The following SYCP1 variants were observed in gnomAD, a reference collection of about 807,000 sequenced individuals.
SYCP1 encodes synaptonemal complex protein 1.
Under a neutral mutation model 153.1 loss-of-function variants are expected in SYCP1, and 64 were observed. The observed-to-expected ratio is 0.42, with a 90% CI of 0.34 to 0.51. The LOEUF is 0.51. Among genes scored for constraint, SYCP1 ranks in the 20% least tolerant of loss-of-function variants. The pLI, the probability that SYCP1 is intolerant of heterozygous loss-of-function variation, is 0.06. For missense variants in SYCP1, 997 were observed against 1,049.0 expected (o/e 0.95, Z 0.68); for synonymous variants, 384 against 341.8 (o/e 1.12, Z -1.36).
chr1:114,974,399 A>T (rs1235788759), intron 27 of SYCP1, among the ~76,000 whole-genome samples: 2 of 151,936 alleles, frequency 1.3e-5, no homozygotes, highest in African/African-American at 4.8e-5. Flanking sequence ...TTAAATGTAC[A>T]GTTCAGCAGT....
At chr1:114,985,480 A>G (rs1014827769) in intron 30 of SYCP1, among the ~76,000 whole-genome samples, 1 of 151,950 alleles carries the variant, frequency 6.6e-6, no homozygotes, top group African/African-American at 2.4e-5. Flanking sequence ...AGATTCATTT[A>G]ATTTTTTTAA....
intron 20 of SYCP1, among the ~76,000 whole-genome samples, chr1:114,917,018 TA>T (rs1427915127): frequency 6.6e-6 from 1 of 152,122 alleles, no homozygotes; most frequent in Non-Finnish European, 1.5e-5. Context: ...ATTATACTTT[TA>T]CTTTTAAAAA....
In SYCP1 at chr1:114,926,277, G is replaced by T; in HGVS notation, c.1801-1G>T. 1 of 1,509,128 alleles carries T rather than the reference G, an allele frequency of 6.6e-7. No homozygotes were observed. Among genetic ancestry groups the T allele is most frequent in the Non-Finnish European group, 8.9e-7 (1 of 1,121,920 alleles). 93.5% of individuals were successfully genotyped at this position (1,509,128 alleles called of 1,614,324 possible). On this transcript the variant is annotated splice_acceptor_variant, in intron 21 of 31. Coordinates refer to ENST00000369522, the MANE Select transcript of SYCP1 (RefSeq NM_003176.4). LOFTEE classifies it high-confidence loss of function. ...AGCTATAATTTCTCACAATTTTTTA[G>T]TGTAACAATTTAAGGAAACAAGTTG...
intron 11 of SYCP1, 101 bp downstream of exon 11, chr1:114,876,911 TC>T (rs1027537405): frequency 8.9e-6 from 5 of 560,938 alleles, no homozygotes; most frequent in Non-Finnish European, 1.3e-5. Context: ...TATGATAAAT[TC>T]CTATGAGAGA....
intron 16 of SYCP1, among the ~76,000 whole-genome samples, chr1:114,899,642 G>T (rs779933744): frequency 1.7e-4 from 26 of 152,270 alleles, no homozygotes; most frequent in Non-Finnish European, 2.5e-4. Flanking sequence ...AAGAAGTTTG[G>T]TACCTCCGTG....
Position 114,911,548 on chromosome 1 carries a change from G to A in SYCP1, c.1495G>A (p.Val499Ile), listed in dbSNP as rs528615756. The A allele has an allele frequency of 3.9e-6, 6 of 1,532,406 alleles. No individual in the cohort carries two copies. The Admixed American group carries it at 6.1e-5, about 15-fold the overall frequency. 94.9% of individuals were successfully genotyped at this position (1,532,406 alleles called of 1,614,324 possible). Residue 499 changes from valine to isoleucine, a missense_variant, in exon 18 of 32, where the codon GTT (valine) becomes ATT (isoleucine). Val to Ile is a conservative substitution (Grantham distance 29). Coordinates refer to ENST00000369522, the MANE Select transcript of SYCP1 (RefSeq NM_003176.4). ...AAGTGAACAGTATTATTCAAAAGAG[G>A]TTAAAGATCTAAAAACTGAGCTTGA... ...TTSEQYYSKE[V>I]KDLKTELENE... is the part of the protein sequence containing the mutation.
Position 114,913,126 on chromosome 1 carries a change from C to G in SYCP1, c.1623C>G (p.Leu541=). The G allele has an allele frequency of 6.2e-7, 1 of 1,609,618 alleles. No individual in the cohort carries two copies. The highest frequency in any genetic ancestry group is 8.5e-7 in the Non-Finnish European group (1 of 1,177,852). The part of the protein sequence containing the change: ...TQETSDMTLE[L]KNQQEDINNN... ...AAACAAGTGATATGACCCTAGAACT[C>G]AAGAATCAGCAAGAAGATATTAATG... is the stretch of plus-strand genomic sequence containing the variant. The change falls in exon 19 of 32, where the codon CTC becomes CTG. Residue 541 remains leucine (L), a synonymous_variant. Transcript: ENST00000369522.
At chr1:114,899,530 A>T (rs2101616150) in intron 16 of SYCP1, among the ~76,000 whole-genome samples, 1 of 152,316 alleles carries the variant, frequency 6.6e-6, no homozygotes. Flanking sequence ...AAAGTTCTAT[A>T]GCTTATTATA....
intron 6 of SYCP1, among the ~76,000 whole-genome samples, chr1:114,859,510 A>T (rs1664237781): frequency 6.6e-6 from 1 of 152,246 alleles, no homozygotes; most frequent in Admixed American, 6.5e-5. Flanking sequence ...TTGCATTAAA[A>T]TATTGTTGAA....
At chr1:114,969,276 C>A (rs1672329124) in intron 27 of SYCP1, among the ~76,000 whole-genome samples, 1 of 152,164 alleles carries the variant, frequency 6.6e-6, no homozygotes, top group Non-Finnish European at 1.5e-5. Context: ...GAAGCTGCAC[C>A]CACAGGTGCC....
At chr1:114,856,945 A>AAAAAC (rs1664001058) in intron 3 of SYCP1, among the ~76,000 whole-genome samples, 1 of 141,512 alleles carries the variant, frequency 7.1e-6, no homozygotes, top group Non-Finnish European at 1.5e-5. Flanking sequence ...AAAAAAAAAA[A>AAAAAC]CCAGCAAACA....
chr1:114,981,739 G>T (rs777312152), intron 29 of SYCP1, among the ~76,000 whole-genome samples: 2 of 151,968 alleles, frequency 1.3e-5, no homozygotes, highest in Non-Finnish European at 2.9e-5. Context: ...GCCTCCCAAA[G>T]TATTGGGATT....
chr1:114,855,230 G>A (rs576646881), intron 1 of SYCP1: 2 of 261,086 alleles, frequency 7.7e-6, no homozygotes, highest in Admixed American at 5.4e-5. Flanking sequence ...GCAGCGGGCG[G>A]TAGGGCGAAA....
In SYCP1 at chr1:114,879,261, T is replaced by C. The variant is rs182449448; in HGVS notation, c.910+1059T>C. ...CTTCCAGAACATTATAGGGATATTA[T>C]GGCATTTGTTGTTTTTCTATTCTTC... On this transcript the variant is annotated intron_variant, in intron 12 of 31. Coordinates refer to ENST00000369522, the MANE Select transcript of SYCP1 (RefSeq NM_003176.4). Among the ~76,000 whole-genome samples the C allele has an allele frequency of 4.7e-4, 72 of 152,348 alleles. No homozygotes were observed. In the East Asian group the frequency reaches 9.6e-3, roughly 20 times the overall value.
chr1:114,865,829 T>C (rs1019114468), intron 8 of SYCP1, among the ~76,000 whole-genome samples: 1 of 152,216 alleles, frequency 6.6e-6, no homozygotes, highest in Non-Finnish European at 1.5e-5. Flanking sequence ...AATTCTGTGT[T>C]CTGCCTATTG....
intron 15 of SYCP1, among the ~76,000 whole-genome samples, chr1:114,888,855 G>GC (rs1254980099): frequency 3.6e-5 from 5 of 137,742 alleles, no homozygotes; most frequent in Non-Finnish European, 6.3e-5. Flanking sequence ...CCCTCCCCCA[G>GC]CCCCCCACCC....
chr1:114,886,226 T>C lies in SYCP1; in HGVS notation c.1107T>C (p.Ala369=). 6.2e-7 allele frequency: 1 copy of C among 1,611,136 alleles called. No homozygotes were observed. Among genetic ancestry groups the C allele is most frequent in the Non-Finnish European group, 8.5e-7 (1 of 1,178,768 alleles). Residue 369 remains alanine (A), a synonymous_variant, in exon 14 of 32, where the codon GCT becomes GCC. Transcript: ENST00000369522. Reference sequence around the variant, plus strand: ...CTCAAATGGAAGAATCTAATAAAGCTAGAGCTGCTCATTCGTTTGTGGTTA... The same window carrying C: ...CTCAAATGGAAGAATCTAATAAAGCCAGAGCTGCTCATTCGTTTGTGGTTA... ...KETQMEESNK[A]RAAHSFVVTE...
At chr1:114,862,901 T>C (rs1664475251) in intron 8 of SYCP1, 1 of 152,200 alleles carries the variant, frequency 6.6e-6, no homozygotes, top group Non-Finnish European at 1.5e-5. Context: ...ATTCATTCAA[T>C]ATTTTTTTAG....
chr1:114,886,431 C>T, intron 14 of SYCP1, 122 bp downstream of exon 14: 1 of 800,822 alleles, frequency 1.2e-6, no homozygotes, highest in East Asian at 3.1e-5. Context: ...CAACTGTAGT[C>T]AGGTCTCATG....
Sources: gnomAD v4.1 joint callset for allele counts (sites outside exome capture counted in the v4.1 genomes callset) on GRCh38, gnomAD v4.1.1 for gene constraint, MANE v1.5 for transcripts, NCBI Gene and HGNC (gene_info 2026-07-23, HGNC 2026-07-21) for gene names.